The following SLC5A4 variants were observed in gnomAD, a reference collection of about 807,000 sequenced individuals.
SLC5A4 encodes solute carrier family 5 member 4.
A neutral mutation model predicts 70.3 loss-of-function variants in SLC5A4; 55 were observed. The ratio of observed to expected loss-of-function variants is 0.78; its 90% CI spans 0.63 to 0.98. The LOEUF is 0.98. Among genes scored for constraint, SLC5A4 ranks in the 50% least tolerant of loss-of-function variants. The pLI, the probability that SLC5A4 is intolerant of heterozygous loss-of-function variation, is 0.00. For missense variants in SLC5A4, 735 were observed against 839.2 expected (o/e 0.88, Z 1.53); for synonymous variants, 268 against 305.7 (o/e 0.88, Z 1.29).
the SLC5A4 span, among the ~76,000 whole-genome samples, chr22:32,344,511 T>G: frequency 6.6e-6 from 1 of 152,186 alleles, no homozygotes; most frequent in Non-Finnish European, 1.5e-5. Flanking sequence ...CTGTCTCTTA[T>G]GCGATATTGA....
the SLC5A4 span, among the ~76,000 whole-genome samples, chr22:32,266,339 C>T: frequency 6.6e-6 from 1 of 152,076 alleles, no homozygotes; most frequent in African/African-American, 2.4e-5. Flanking sequence ...TCATAAACTT[C>T]CACACAGCGC....
the SLC5A4 span, among the ~76,000 whole-genome samples, chr22:32,348,765 T>C: frequency 6.6e-6 from 1 of 152,202 alleles, no homozygotes; most frequent in African/African-American, 2.4e-5. Context: ...TTTTGACATA[T>C]GGGCCCAGAT....
the SLC5A4 span, among the ~76,000 whole-genome samples, chr22:32,328,516 G>A: frequency 1.3e-5 from 2 of 152,044 alleles, no homozygotes; most frequent in Non-Finnish European, 2.9e-5. Context: ...CTGCGGAGAG[G>A]CCCACCCAGT....
chr22:32,333,246 G>C, the SLC5A4 span, among the ~76,000 whole-genome samples: 5 of 148,214 alleles, frequency 3.4e-5, no homozygotes, highest in South Asian at 2.2e-4. Context: ...CAGTCCAGTG[G>C]AAACAGGCCA....
intron 5 of SLC5A4, among the ~76,000 whole-genome samples, chr22:32,242,579 C>T (rs1413981819): frequency 6.6e-6 from 1 of 151,978 alleles, no homozygotes; most frequent in Non-Finnish European, 1.5e-5. Context: ...TATGGTGGCG[C>T]GTGCCTGTAG....
chr22:32,272,320 C>G, the SLC5A4 span: 7 of 824,238 alleles, frequency 8.5e-6, no homozygotes, highest in Non-Finnish European at 1.5e-5. Flanking sequence ...CCCGTGACTG[C>G]CCTGTGCACT....
At chr22:32,261,849 C>T in the SLC5A4 span, among the ~76,000 whole-genome samples, 2 of 152,246 alleles carry the variant, frequency 1.3e-5, no homozygotes, top group Non-Finnish European at 2.9e-5. Flanking sequence ...CTCTCATAAC[C>T]ATCCTTCTGT....
the SLC5A4 span, among the ~76,000 whole-genome samples, chr22:32,303,564 C>G: frequency 4.6e-5 from 7 of 151,858 alleles, no homozygotes; most frequent in Non-Finnish European, 8.8e-5. Context: ...GTGGGACAAT[C>G]ACAATTTCAG....
the SLC5A4 span, among the ~76,000 whole-genome samples, chr22:32,338,016 AG>A: frequency 6.6e-6 from 1 of 152,136 alleles, no homozygotes; most frequent in Non-Finnish European, 1.5e-5. Context: ...CTCTTGAGTC[AG>A]TGTGATGCAG....
chr22:32,308,396 A>G, the SLC5A4 span, among the ~76,000 whole-genome samples: 1 of 152,172 alleles, frequency 6.6e-6, no homozygotes, highest in Non-Finnish European at 1.5e-5. Flanking sequence ...CAGCGGCTAG[A>G]GGGATGTAAA....
the SLC5A4 span, among the ~76,000 whole-genome samples, chr22:32,314,798 G>A: frequency 2.6e-5 from 4 of 152,190 alleles, no homozygotes; most frequent in South Asian, 8.3e-4. Context: ...CACGTCTTAT[G>A]TGGATGGTGG....
the SLC5A4 span, among the ~76,000 whole-genome samples, chr22:32,316,758 G>A: frequency 1.3e-5 from 2 of 151,468 alleles, no homozygotes; most frequent in Non-Finnish European, 2.9e-5. Flanking sequence ...GTCTGGTCTC[G>A]AACTCCTGAC....
chr22:32,272,384 G>A, the SLC5A4 span: 321,317 of 890,134 alleles, frequency 0.36, 60,896 homozygotes, highest in Non-Finnish European at 0.38. Flanking sequence ...TGAAGCCTGC[G>A]GGCCAGCGAG....
chr22:32,349,580 T>C, the SLC5A4 span, among the ~76,000 whole-genome samples: 78 of 152,342 alleles, frequency 5.1e-4, 1 homozygote, highest in African/African-American at 1.9e-3. Flanking sequence ...TTTGAAGACA[T>C]TTTCATTTTA....
chr22:32,269,240 A>G, the SLC5A4 span: 1 of 174,878 alleles, frequency 5.7e-6, no homozygotes, highest in Non-Finnish European at 1.2e-5. This position sits in a 1 kb window ranked among gnomAD's most constrained non-coding sequence, Gnocchi z 4.1. Context: ...ATTTAAAATT[A>G]TACATGTGGC....
At chr22:32,318,116 A>ACTGCTC in the SLC5A4 span, among the ~76,000 whole-genome samples, 585 of 151,092 alleles carry the variant, frequency 3.9e-3, 22 homozygotes, top group East Asian at 0.1. Flanking sequence ...TCCTCCTCCC[A>ACTGCTC]CTGCTCCTGC....
upstream of SLC5A4, among the ~76,000 whole-genome samples, chr22:32,257,450 G>A (rs1431928069): frequency 1.3e-5 from 2 of 152,074 alleles, no homozygotes; most frequent in African/African-American, 4.8e-5. Flanking sequence ...AACCTCCTGG[G>A]CTCAAGTGAT....
chr22:32,252,229 C>CA (rs35272467), intron 2 of SLC5A4, among the ~76,000 whole-genome samples: 10,596 of 91,098 alleles, frequency 0.12, 573 homozygotes, highest in African/African-American at 0.19. Flanking sequence ...GACTCTGTCT[C>CA]AAAAAAAAAA....
At chr22:32,260,508 C>CA in the SLC5A4 span, among the ~76,000 whole-genome samples, 1,834 of 124,702 alleles carry the variant, frequency 0.015, 30 homozygotes, top group African/African-American at 0.041. Flanking sequence ...ATTTTGGTGA[C>CA]AAAAAAAAAA....
Sources: allele counts gnomAD v4.1 joint callset (sites outside exome capture counted in the v4.1 genomes callset), GRCh38; gene constraint gnomAD v4.1.1; non-coding constraint Gnocchi (gnomAD v3.1); transcripts MANE v1.5; gene names NCBI Gene and HGNC (gene_info 2026-07-23, HGNC 2026-07-21).